Variants in PTPRD observed in about 807,000 individuals in gnomAD.
PTPRD encodes the protein protein tyrosine phosphatase receptor type D.
In PTPRD, 34 loss-of-function variants were observed where a neutral mutation model predicts 214.5. The ratio of observed to expected loss-of-function variants is 0.16; its 90% CI spans 0.12 to 0.21. PTPRD has a LOEUF of 0.21. PTPRD is among the 10% of genes least tolerant of loss of function. PTPRD has a pLI of 1.00. For missense variants in PTPRD, 2,545 were observed against 2,398.7 expected (o/e 1.06, Z -1.27); for synonymous variants, 1,128 against 845.7 (o/e 1.33, Z -5.79).
intron 2 of PTPRD, among the ~76,000 whole-genome samples, chr9:10,589,145 A>C (rs1279958724): frequency 2.6e-5 from 4 of 152,078 alleles, no homozygotes; most frequent in Non-Finnish European, 4.4e-5. Context: ...ATCTAATTGA[A>C]AGTCAGAAAA....
chr9:9,126,309 T>C (rs1484201683), intron 10 of PTPRD, among the ~76,000 whole-genome samples: 1 of 152,238 alleles, frequency 6.6e-6, no homozygotes. Flanking sequence ...TTGGCATTTA[T>C]CAATCAGAAA....
rs192587040 is a variant in PTPRD, at chr9:8,737,295, C to T, written c.-103-3349G>A. 2.6e-3 allele frequency among the ~76,000 whole-genome samples: 395 copies of T among 152,186 alleles called. 2 individuals carry two copies. Among genetic ancestry groups the T allele is most frequent in the African/African-American group, 9.2e-3 (381 of 41,540 alleles). ...GGAGGTCAGAGGTGTGAAGATGAAA[C>T]GTATTCTAAATGTTCATTCCAGCTA... On this transcript the variant is annotated intron_variant, in intron 11 of 45. Coordinates refer to ENST00000381196, the MANE Select transcript of PTPRD (RefSeq NM_002839.4).
At chr9:8,510,699 C>G (rs2097660409) in intron 21 of PTPRD, among the ~76,000 whole-genome samples, 1 of 152,130 alleles carries the variant, frequency 6.6e-6, no homozygotes, top group African/African-American at 2.4e-5. Flanking sequence ...GAGTGCACTA[C>G]CCACACTTCC....
chr9:9,653,763 A>G (rs186499450), intron 7 of PTPRD, among the ~76,000 whole-genome samples: 9 of 152,368 alleles, frequency 5.9e-5, no homozygotes, highest in African/African-American at 2.2e-4. Context: ...ATACACTTAT[A>G]AAGCTCCTTC....
At chr9:10,591,373 G>A (rs1265212433) in intron 2 of PTPRD, among the ~76,000 whole-genome samples, 3 of 152,054 alleles carry the variant, frequency 2.0e-5, no homozygotes. Context: ...CACGTGTTTT[G>A]AGAAGACAAA....
chr9:9,870,332 T>C (rs1600374768), intron 5 of PTPRD, among the ~76,000 whole-genome samples: 2 of 151,928 alleles, frequency 1.3e-5, no homozygotes, highest in African/African-American at 4.8e-5. Flanking sequence ...AATGGATACA[T>C]TAGACAAAGA....
In PTPRD at chr9:8,625,384, G is replaced by A. The variant is rs77162743; in HGVS notation, c.352+7933C>T. Among the ~76,000 whole-genome samples the A allele has an allele frequency of 8.0e-3, 1,208 of 151,750 alleles. 22 individuals carry two copies. Among genetic ancestry groups the A allele is most frequent in the African/African-American group, 0.026 (1,075 of 41,442 alleles). On this transcript the variant is annotated intron_variant, in intron 14 of 45. Transcript: ENST00000381196. The stretch of plus-strand genomic sequence containing the variant: ...AAATGACAGATCTGCAGTTACCCAC[G>A]TAATTAAACAAATACATAAACAAAC...
chr9:10,162,894 C>T (rs1018219768), intron 3 of PTPRD, among the ~76,000 whole-genome samples: 2 of 149,850 alleles, frequency 1.3e-5, no homozygotes, highest in Admixed American at 1.3e-4. Flanking sequence ...CTTCTTTAGC[C>T]AGTACTTCAG....
intron 3 of PTPRD, among the ~76,000 whole-genome samples, chr9:10,096,216 A>G (rs2098482566): frequency 6.6e-6 from 1 of 151,722 alleles, no homozygotes; most frequent in South Asian, 2.1e-4. Flanking sequence ...ATAGAACAGG[A>G]AAAGTTACTA....
intron 3 of PTPRD, among the ~76,000 whole-genome samples, chr9:10,142,601 C>G (rs1021265604): frequency 3.3e-5 from 5 of 150,222 alleles, no homozygotes; most frequent in African/African-American, 1.2e-4. Flanking sequence ...GTTAGAATGG[C>G]AATCATTAAA....
At chr9:10,274,613 A>G (rs1417656544) in intron 3 of PTPRD, among the ~76,000 whole-genome samples, 1 of 152,172 alleles carries the variant, frequency 6.6e-6, no homozygotes, top group African/African-American at 2.4e-5. Flanking sequence ...ACCTTTCACA[A>G]ACTTTGTCTT....
intron 3 of PTPRD, among the ~76,000 whole-genome samples, chr9:10,127,981 A>G (rs964737733): frequency 1.3e-5 from 2 of 152,108 alleles, no homozygotes; most frequent in Admixed American, 6.6e-5. Context: ...ATTTTATATT[A>G]TGCTTCTGTT....
chr9:8,848,557 C>G (rs112899502), intron 11 of PTPRD, among the ~76,000 whole-genome samples: 1,692 of 146,960 alleles, frequency 0.012, 17 homozygotes, highest in Middle Eastern at 0.083. Flanking sequence ...GTTGCCCAGG[C>G]TGGTCTTAAA....
intron 2 of PTPRD, among the ~76,000 whole-genome samples, chr9:10,442,570 T>C (rs1476032884): frequency 6.6e-6 from 1 of 151,620 alleles, no homozygotes; most frequent in African/African-American, 2.4e-5. Context: ...TCCAGATAGG[T>C]AAATTAACAA....
At chr9:10,499,117 C>T (rs1446483499) in intron 2 of PTPRD, among the ~76,000 whole-genome samples, 3 of 151,904 alleles carry the variant, frequency 2.0e-5, no homozygotes, top group South Asian at 2.1e-4. Context: ...GTTAATGTTA[C>T]ATTTGTTACC....
chr9:9,558,722 G>C (rs1222916260), intron 8 of PTPRD, among the ~76,000 whole-genome samples: 2 of 152,126 alleles, frequency 1.3e-5, no homozygotes, highest in African/African-American at 2.4e-5. Flanking sequence ...TTTACACCTG[G>C]TTTTAAACCA....
intron 8 of PTPRD, among the ~76,000 whole-genome samples, chr9:9,456,517 C>T (rs908227258): frequency 2.0e-5 from 3 of 151,730 alleles, no homozygotes; most frequent in African/African-American, 7.3e-5. Context: ...AAACCCAAAC[C>T]AAACCAGATG....
At chr9:9,793,466 A>G (rs2098981019) in intron 5 of PTPRD, among the ~76,000 whole-genome samples, 1 of 152,148 alleles carries the variant, frequency 6.6e-6, no homozygotes, top group African/African-American at 2.4e-5. Context: ...TATGTTATCA[A>G]TATAAGTAGA....
intron 8 of PTPRD, among the ~76,000 whole-genome samples, chr9:9,426,523 T>G (rs1346439225): frequency 6.6e-6 from 1 of 152,176 alleles, no homozygotes; most frequent in Non-Finnish European, 1.5e-5. Context: ...TTCTGCAGAC[T>G]TAAAGGTCCC....
Sources: gnomAD v4.1 joint callset for allele counts (sites outside exome capture counted in the v4.1 genomes callset) on GRCh38, gnomAD v4.1.1 for gene constraint, MANE v1.5 for transcripts, NCBI Gene and HGNC (gene_info 2026-07-23, HGNC 2026-07-21) for gene names.